Variants in TSHZ2 observed in about 807,000 individuals in gnomAD.
TSHZ2 encodes the protein teashirt homolog 2.
In TSHZ2, 21 loss-of-function variants were observed where a neutral mutation model predicts 74.4. The ratio of observed to expected loss-of-function variants is 0.28; its 90% CI spans 0.20 to 0.41. The LOEUF (loss-of-function observed/expected upper bound fraction) is 0.41. Ranked by LOEUF, TSHZ2 falls within the 10% of genes least tolerant of loss-of-function variation. The pLI is 1.00. For synonymous variants in TSHZ2, 540 were observed against 515.3 expected, an observed-to-expected ratio of 1.05 and a Z score of -0.65; for missense variants, 1,244 against 1,293.5, an observed-to-expected ratio of 0.96 and a Z score of 0.59.
intron 1 of TSHZ2, among the ~76,000 whole-genome samples, chr20:52,982,113 G>A (rs1981588789): frequency 6.6e-6 from 1 of 152,208 alleles, no homozygotes; most frequent in South Asian, 2.1e-4. Flanking sequence ...GGTCAGGGGA[G>A]ACCTCTCAGA....
chr20:53,018,017 A>G (rs1983105154), intron 1 of TSHZ2, among the ~76,000 whole-genome samples: 3 of 152,228 alleles, frequency 2.0e-5, no homozygotes, highest in Admixed American at 2.0e-4. Flanking sequence ...TCGCATCAAT[A>G]GGATTCTGCT....
chr20:53,104,110 G>A (rs951440813), intron 1 of TSHZ2, among the ~76,000 whole-genome samples: 1 of 152,120 alleles, frequency 6.6e-6, no homozygotes, highest in African/African-American at 2.4e-5. Context: ...AAGACATCGC[G>A]CTCTGCAGAG....
At chr20:53,424,278 G>T (rs1220843125) in intron 2 of TSHZ2, among the ~76,000 whole-genome samples, 1 of 152,182 alleles carries the variant, frequency 6.6e-6, no homozygotes, top group Non-Finnish European at 1.5e-5. Flanking sequence ...TCCAGATATT[G>T]CCAAATGTTC....
intron 1 of TSHZ2, among the ~76,000 whole-genome samples, chr20:53,210,968 A>G (rs1179861829): frequency 6.6e-6 from 1 of 151,876 alleles, no homozygotes; most frequent in Non-Finnish European, 1.5e-5. Context: ...TTTAGTAATT[A>G]AAGAGAGAGA....
chr20:53,246,680 T>C (rs529556409), intron 1 of TSHZ2, among the ~76,000 whole-genome samples: 2 of 152,324 alleles, frequency 1.3e-5, no homozygotes, highest in Admixed American at 1.3e-4. Flanking sequence ...TAAATATTTC[T>C]TGATTAAATG....
intron 1 of TSHZ2, among the ~76,000 whole-genome samples, chr20:53,035,024 A>T (rs1405405155): frequency 6.6e-6 from 1 of 152,202 alleles, no homozygotes; most frequent in Non-Finnish European, 1.5e-5. Flanking sequence ...GATAATTATC[A>T]CTGGAACAAA....
intron 1 of TSHZ2, among the ~76,000 whole-genome samples, chr20:53,217,449 GAAC>G (rs1430079138): frequency 1.3e-5 from 2 of 152,104 alleles, no homozygotes; most frequent in African/African-American, 4.8e-5. Context: ...ACAGATGGAA[GAAC>G]AACAATAATC....
intron 2 of TSHZ2, among the ~76,000 whole-genome samples, chr20:53,357,440 G>A (rs2145597227): frequency 6.6e-6 from 1 of 152,176 alleles, no homozygotes; most frequent in South Asian, 2.1e-4. Flanking sequence ...TGAAGTGGGA[G>A]AATCACTTGA....
chr20:53,120,061 T>C (rs1249160423), intron 1 of TSHZ2, among the ~76,000 whole-genome samples: 2 of 152,256 alleles, frequency 1.3e-5, no homozygotes, highest in Admixed American at 1.3e-4. Flanking sequence ...AAACATACAA[T>C]TTCCCTCCCA....
chr20:53,223,777 GA>G (rs1017228548), intron 1 of TSHZ2, among the ~76,000 whole-genome samples: 41 of 152,212 alleles, frequency 2.7e-4, no homozygotes, highest in African/African-American at 8.7e-4. Flanking sequence ...AAGAAAGGGG[GA>G]GGTAGCTGTG....
intron 2 of TSHZ2, among the ~76,000 whole-genome samples, chr20:53,297,161 T>C (rs1283937605): frequency 6.6e-6 from 1 of 151,650 alleles, no homozygotes; most frequent in Non-Finnish European, 1.5e-5. Flanking sequence ...GAAATAGCAA[T>C]GGGAACCAGG....
intron 2 of TSHZ2, among the ~76,000 whole-genome samples, chr20:53,271,092 G>A (rs1478560287): frequency 1.3e-5 from 2 of 152,224 alleles, no homozygotes; most frequent in African/African-American, 2.4e-5. Context: ...TGAAAAATGC[G>A]AGGCCTTTGT....
intron 2 of TSHZ2, among the ~76,000 whole-genome samples, chr20:53,287,396 T>G (rs1300787387): frequency 6.6e-6 from 1 of 152,226 alleles, no homozygotes; most frequent in Non-Finnish European, 1.5e-5. Context: ...GTGGGCATTT[T>G]CATGTGCATT....
chr20:53,411,606 A>T (rs1600618360), intron 2 of TSHZ2, among the ~76,000 whole-genome samples: 2 of 152,160 alleles, frequency 1.3e-5, no homozygotes, highest in East Asian at 1.9e-4. Flanking sequence ...AATTGGGAGG[A>T]CTGCTCAAGG....
chr20:53,278,074 C>A (rs918435759), intron 2 of TSHZ2, among the ~76,000 whole-genome samples: 1 of 152,188 alleles, frequency 6.6e-6, no homozygotes, highest in African/African-American at 2.4e-5. Flanking sequence ...GCTACCATTT[C>A]ACGAGTGTTT....
At chr20:53,297,459 A>T (rs1038155007) in intron 2 of TSHZ2, among the ~76,000 whole-genome samples, 1 of 152,068 alleles carries the variant, frequency 6.6e-6, no homozygotes, top group African/African-American at 2.4e-5. Context: ...AGTCTTGAAC[A>T]CTTGGGCTCA....
intron 2 of TSHZ2, among the ~76,000 whole-genome samples, chr20:53,412,180 C>T (rs1171323503): frequency 2.0e-5 from 3 of 152,186 alleles, no homozygotes; most frequent in Non-Finnish European, 2.9e-5. Context: ...TTAACACGTC[C>T]GGTCCTGCTC....
intron 1 of TSHZ2, among the ~76,000 whole-genome samples, chr20:53,038,992 G>A (rs1377184240): frequency 2.6e-5 from 4 of 151,890 alleles, no homozygotes; most frequent in African/African-American, 9.7e-5. Context: ...TGCCTCCCGG[G>A]TTCAAGCCAT....
chr20:53,345,572 G>C (rs1490096413), intron 2 of TSHZ2, among the ~76,000 whole-genome samples: 1 of 152,022 alleles, frequency 6.6e-6, no homozygotes, highest in Non-Finnish European at 1.5e-5. Context: ...TTCACTCTAG[G>C]AAAAACCCTC....
Sources: allele counts gnomAD v4.1 joint callset (sites outside exome capture counted in the v4.1 genomes callset), GRCh38; gene constraint gnomAD v4.1.1; transcripts MANE v1.5; gene names NCBI Gene and HGNC (gene_info 2026-07-23, HGNC 2026-07-21).